COMMD10: variants seen among roughly 807,000 people sequenced by gnomAD.
COMMD10 encodes the protein COMM domain-containing protein 10.
A neutral mutation model predicts 28.9 loss-of-function variants in COMMD10; 33 were observed. That is an observed-to-expected ratio of 1.14 (90% CI 0.87 to 1.53). The LOEUF (loss-of-function observed/expected upper bound fraction) is 1.53, where lower values mean the gene tolerates loss of function less well. COMMD10 is among the 40% of genes most tolerant of loss of function. The pLI is 0.00. For missense variants in COMMD10, 310 were observed against 233.4 expected, an observed-to-expected ratio of 1.33 and a Z score of -2.14; for synonymous variants, 110 against 81.7, an observed-to-expected ratio of 1.35 and a Z score of -1.87.
intron 5 of COMMD10, among the ~76,000 whole-genome samples, chr5:116,224,854 A>C (rs1580562722): frequency 6.6e-6 from 1 of 152,204 alleles, no homozygotes; most frequent in Admixed American, 6.5e-5. Flanking sequence ...AATGCTGATG[A>C]GTATTTGATA....
At chr5:116,120,872 A>G (rs925350480) in intron 4 of COMMD10, among the ~76,000 whole-genome samples, 2 of 152,068 alleles carry the variant, frequency 1.3e-5, no homozygotes, top group Admixed American at 6.6e-5. Flanking sequence ...AATAAACCTA[A>G]TTAATGTTTA....
chr5:116,221,234 C>T (rs78874415), intron 5 of COMMD10, among the ~76,000 whole-genome samples: 2,445 of 152,146 alleles, frequency 0.016, 71 homozygotes, highest in African/African-American at 0.057. Context: ...TTTCATCTCC[C>T]TTATTCCAAC....
chr5:116,103,259 T>C (rs1027161749), intron 4 of COMMD10, among the ~76,000 whole-genome samples: 3 of 152,208 alleles, frequency 2.0e-5, no homozygotes, highest in African/African-American at 7.2e-5. Flanking sequence ...TCTTCCACAA[T>C]GGTTGAACTA....
chr5:116,262,566 A>G (rs1294507522), intron 5 of COMMD10, among the ~76,000 whole-genome samples: 1 of 151,770 alleles, frequency 6.6e-6, no homozygotes, highest in Non-Finnish European at 1.5e-5. Flanking sequence ...AGTTTTTTCA[A>G]GTACATTAAT....
intron 2 of COMMD10, among the ~76,000 whole-genome samples, chr5:116,090,350 A>C (rs1277508488): frequency 6.6e-6 from 1 of 152,238 alleles, no homozygotes; most frequent in Non-Finnish European, 1.5e-5. Flanking sequence ...GCAGTCCTGC[A>C]CAAAGACTTG....
chr5:116,141,141 C>A (rs1393802847), intron 5 of COMMD10, among the ~76,000 whole-genome samples: 1 of 151,376 alleles, frequency 6.6e-6, no homozygotes, highest in Non-Finnish European at 1.5e-5. Context: ...ATTGTTTTCA[C>A]ATGGATATTC....
intron 5 of COMMD10, among the ~76,000 whole-genome samples, chr5:116,138,841 A>G (rs1752111756): frequency 6.6e-6 from 1 of 151,762 alleles, no homozygotes; most frequent in African/African-American, 2.4e-5. Flanking sequence ...TAGTGTGAGA[A>G]AATGGGCAAA....
chr5:116,221,922 C>T (rs899091520), intron 5 of COMMD10, among the ~76,000 whole-genome samples: 7 of 152,018 alleles, frequency 4.6e-5, no homozygotes, highest in African/African-American at 9.7e-5. Context: ...GGCAGTTCAA[C>T]CAGAAAAAAA....
chr5:116,205,819 A>G (rs767551386), intron 5 of COMMD10, among the ~76,000 whole-genome samples: 3 of 152,146 alleles, frequency 2.0e-5, no homozygotes, highest in Non-Finnish European at 2.9e-5. Context: ...TTTAATGTAA[A>G]CATATTTTAG....
At chr5:116,179,922 T>C (rs1747891133) in intron 5 of COMMD10, among the ~76,000 whole-genome samples, 1 of 151,802 alleles carries the variant, frequency 6.6e-6, no homozygotes, top group South Asian at 2.1e-4. Flanking sequence ...CTATAGAAAA[T>C]AAAGGTAAGA....
intron 5 of COMMD10, among the ~76,000 whole-genome samples, chr5:116,137,939 C>A (rs574523541): frequency 2.6e-5 from 4 of 152,028 alleles, no homozygotes; most frequent in Admixed American, 2.0e-4. Context: ...TCCACAGATA[C>A]CTCAAATCGA....
intron 5 of COMMD10, among the ~76,000 whole-genome samples, chr5:116,241,583 CTTATTTAT>C (rs61328599): frequency 0.074 from 10,377 of 140,448 alleles, 411 homozygotes; most frequent in African/African-American, 0.12. Flanking sequence ...ACTCTGCTTT[CTTATTTAT>C]TTATTTATTT....
intron 5 of COMMD10, among the ~76,000 whole-genome samples, chr5:116,216,682 C>T (rs1028517069): frequency 3.9e-5 from 6 of 151,950 alleles, no homozygotes; most frequent in African/African-American, 9.7e-5. Flanking sequence ...TACAGGTGTG[C>T]GCCACCACGC....
rs1180257088 is a variant in COMMD10 at position 116,139,018 on chromosome 5, A to G, written c.510+4840A>G. ...TATTCCCATGTTATACAGATAGTAA[A>G]CAGTAGACCTAGGATTTGAATCCAG... On this transcript the variant is annotated intron_variant, in intron 5 of 6. Transcript: ENST00000274458. 7.9e-5 allele frequency among the ~76,000 whole-genome samples: 12 copies of G among 151,878 alleles called. 2 individuals are homozygous for G. In the South Asian group the frequency reaches 2.5e-3, roughly 31 times the overall value.
intron 5 of COMMD10, among the ~76,000 whole-genome samples, chr5:116,230,581 A>T (rs1749505165): frequency 6.6e-6 from 1 of 152,012 alleles, no homozygotes; most frequent in Non-Finnish European, 1.5e-5. Context: ...ATTTCTCACA[A>T]TAAATAAACA....
chr5:116,163,015 C>G (rs1752968323), intron 5 of COMMD10, among the ~76,000 whole-genome samples: 2 of 151,974 alleles, frequency 1.3e-5, no homozygotes, highest in Non-Finnish European at 2.9e-5. Flanking sequence ...TTCTAGAAAC[C>G]TCTCTGCCAC....
chr5:116,238,365 A>T (rs1388822051), intron 5 of COMMD10, among the ~76,000 whole-genome samples: 1 of 152,182 alleles, frequency 6.6e-6, no homozygotes, highest in Non-Finnish European at 1.5e-5. Context: ...AATGAACTTA[A>T]ATTGGGCAAT....
At chr5:116,200,406 T>A (rs544330354) in intron 5 of COMMD10, among the ~76,000 whole-genome samples, 3 of 152,086 alleles carry the variant, frequency 2.0e-5, no homozygotes, top group Non-Finnish European at 4.4e-5. Context: ...TAAGTGTAGT[T>A]TCTTTGGCAT....
At chr5:116,127,933 A>G (rs1476145480) in intron 4 of COMMD10, among the ~76,000 whole-genome samples, 1 of 152,090 alleles carries the variant, frequency 6.6e-6, no homozygotes, top group East Asian at 1.9e-4. Context: ...AATAATAATA[A>G]TAATAAAAAA....
Sources: allele counts gnomAD v4.1 joint callset (sites outside exome capture counted in the v4.1 genomes callset), GRCh38; gene constraint gnomAD v4.1.1; transcripts MANE v1.5; gene names NCBI Gene and HGNC (gene_info 2026-07-23, HGNC 2026-07-21).